KIF19: variants seen among roughly 807,000 people sequenced by gnomAD.
KIF19 encodes the protein kinesin-like protein KIF19.
KIF19 carries 98 observed loss-of-function variants against 106.6 expected under a neutral mutation model. That is an observed-to-expected ratio of 0.92 (90% CI 0.78 to 1.09). KIF19 has a LOEUF of 1.09. Among genes scored for constraint, KIF19 ranks in the 50% least tolerant of loss-of-function variants. The probability of loss-of-function intolerance (pLI) is 0.00; values close to 1 mark genes in which losing one functional copy is unlikely to be tolerated. For missense variants in KIF19, 1,373 were observed against 1,414.3 expected (o/e 0.97, Z 0.47); for synonymous variants, 516 against 584.2 (o/e 0.88, Z 1.68).
intron 12 of KIF19, chr17:74,351,328 CAA>C (rs66627748): frequency 8.8e-4 from 70 of 79,300 alleles, no homozygotes; most frequent in South Asian, 1.7e-3. Context: ...ACTAAAAATA[CAA>C]AAAAAAAAAA....
At chr17:74,333,937 C>T (rs764114712) in intron 2 of KIF19, among the ~76,000 whole-genome samples, 3 of 151,286 alleles carry the variant, frequency 2.0e-5, no homozygotes, top group Non-Finnish European at 1.5e-5. Context: ...GATCCTCCCA[C>T]CTCAGCCTCC....
At chr17:74,349,855 G>A (rs1324942002) in intron 10 of KIF19, among the ~76,000 whole-genome samples, 1 of 151,092 alleles carries the variant, frequency 6.6e-6, no homozygotes, top group Non-Finnish European at 1.5e-5. Context: ...CTGGAGTGCA[G>A]TGGCATGATC....
intron 7 of KIF19, among the ~76,000 whole-genome samples, chr17:74,345,204 TG>T (rs896103947): frequency 3.4e-5 from 5 of 148,742 alleles, no homozygotes; most frequent in African/African-American, 1.3e-4. Flanking sequence ...GGAGCAGGGT[TG>T]GGGGGAATGG....
chr17:74,346,289 C>A lies in KIF19; in HGVS notation c.778-89C>A. 1.4e-6 allele frequency: 2 copies of A among 1,410,056 alleles called. No homozygotes were observed. The highest frequency in any genetic ancestry group is 9.6e-7 in the Non-Finnish European group (1 of 1,037,840). 87.3% of individuals were successfully genotyped at this position (1,410,056 alleles called of 1,614,324 possible). ...TCCTTGGGGGTTTATTACCCAGGATCACCAGGTCATTCATTGGTGGGGTGG... is the reference window on the plus strand; with the variant it reads ...TCCTTGGGGGTTTATTACCCAGGATAACCAGGTCATTCATTGGTGGGGTGG... On this transcript the variant is annotated intron_variant, in intron 7 of 19. Transcript: ENST00000389916. This position sits in a 1 kb window ranked among gnomAD's most constrained non-coding sequence, Gnocchi z 4.6.
intron 2 of KIF19, among the ~76,000 whole-genome samples, chr17:74,340,555 G>GCGCACACGCACACACACACACACA: frequency 6.7e-6 from 1 of 148,210 alleles, no homozygotes; most frequent in African/African-American, 2.5e-5. Context: ...ATGCGCGCGC[G>GCGCACACGCACACACACACACACA]TACACACACA....
rs1298155728 is a variant in KIF19 at position 74,352,094 on chromosome 17, T to C, written c.1815T>C (p.Ser605=). 9 of 1,589,250 alleles carry C rather than the reference T, an allele frequency of 5.7e-6. No individual in the cohort carries two copies. The highest frequency in any genetic ancestry group is 2.3e-5 in the East Asian group (1 of 44,090). ...EAVRRLEQHR[S]LCDEIIQGQR... ...TGCGCCGCCTGGAGCAGCACCGCAG[T>C]CTCTGCGACGAGATTATCCAGGGCC... The change falls in exon 13 of 20, where the codon AGT becomes AGC. Residue 605 remains serine, a synonymous_variant. Transcript: ENST00000389916.
At chr17:74,341,340 A>AGACTGTAT (rs2054367896) in intron 2 of KIF19, among the ~76,000 whole-genome samples, 1 of 152,150 alleles carries the variant, frequency 6.6e-6, no homozygotes, top group South Asian at 2.1e-4. Flanking sequence ...TAAATAAAAG[A>AGACTGTAT]GACTGTATGT....
In KIF19 at chr17:74,350,837, G is replaced by C. The variant is rs748686424; in HGVS notation, c.1519G>C (p.Glu507Gln). ...CCAACCAGACATCCTGGAGCCACCC[G>C]AGGTGGCCGCAGCCCGGGAGAGCAT... ...DDQPDILEPP[E>Q]VAAARESIAA... The change falls in exon 12 of 20, where the codon GAG (glutamate) becomes CAG (glutamine). Residue 507 changes from glutamate (E) to glutamine (Q), a missense_variant. Glu to Gln is a conservative substitution (Grantham distance 29). This residue lies in a region of KIF19 where 1,020 missense variants were observed against 1,008.2 expected (regional missense o/e 1.01). Transcript: ENST00000389916. 1.9e-6 allele frequency: 3 copies of C among 1,613,904 alleles called. No individual in the cohort carries two copies. The highest frequency in any genetic ancestry group is 1.3e-5 in the African/African-American group (1 of 74,936).
At chr17:74,329,822 T>C (rs2054024970) in intron 2 of KIF19, among the ~76,000 whole-genome samples, 1 of 152,136 alleles carries the variant, frequency 6.6e-6, no homozygotes, top group Non-Finnish European at 1.5e-5. Flanking sequence ...GGTGGTAGGA[T>C]GTGCTAATGG....
At chr17:74,340,439 A>G (rs2054334576) in intron 2 of KIF19, among the ~76,000 whole-genome samples, 1 of 152,154 alleles carries the variant, frequency 6.6e-6, no homozygotes, top group Admixed American at 6.5e-5. Context: ...GGCAGAGTGG[A>G]GCAGGCCCTG....
intron 2 of KIF19, among the ~76,000 whole-genome samples, chr17:74,332,965 G>A (rs2054133914): frequency 2.0e-5 from 3 of 152,216 alleles, no homozygotes; most frequent in Admixed American, 2.0e-4. Context: ...CTGTCGAGAG[G>A]ATTAAAGGAG....
At position 74,332,449 on chromosome 17, in the gene KIF19, G is replaced by A. The variant is rs530901279; in HGVS notation, c.120+3944G>A. Among the ~76,000 whole-genome samples the A allele has an allele frequency of 1.7e-4, 26 of 152,080 alleles. 1 individual carries two copies. The highest frequency in any genetic ancestry group is 1.0e-3 in the Admixed American group (16 of 15,276). ...GGAAAAAGCTACAGATCAAACAGCC[G>A]TCTCCTCCAATCCCCCATCCCTCCC... On this transcript the variant is annotated intron_variant, in intron 2 of 19. Transcript: ENST00000389916.
At position 74,354,221 on chromosome 17, in the gene KIF19, T is replaced by C. The variant is rs765921554; in HGVS notation, c.2368T>C (p.Ser790Pro). The C allele has an allele frequency of 1.2e-5, 20 of 1,609,102 alleles. No homozygotes were observed. The highest frequency in any genetic ancestry group is 1.7e-5 in the Admixed American group (1 of 59,948). ...CTGGGTGAAGGCCGCCCGGCGGCGC[T>C]CGCGGGCCCTGGGAACCGAGGGGCG... The part of the protein sequence containing the change: ...CIWVKAARRR[S>P]RALGTEGRHL... The change falls in exon 18 of 20, where the codon TCG becomes CCG. Residue 790 changes from serine (S) to proline (P), a missense_variant. By Grantham distance (74) the Ser-to-Pro change is moderately conservative. Transcript: ENST00000389916.
At chr17:74,332,209 TTTGTGTGTGTGTG>T (rs1567897622) in intron 2 of KIF19, among the ~76,000 whole-genome samples, 11 of 50,404 alleles carry the variant, frequency 2.2e-4, no homozygotes, top group South Asian at 5.8e-4. Flanking sequence ...TGTGTGTGTG[TTTGTGTGTGTGTG>T]TGTGTGTGTG....
intron 2 of KIF19, among the ~76,000 whole-genome samples, chr17:74,330,621 G>C (rs1016546900): frequency 6.6e-6 from 1 of 152,222 alleles, no homozygotes; most frequent in Non-Finnish European, 1.5e-5. Flanking sequence ...ATATTAACTG[G>C]TGCTGATGGG....
intron 1 of KIF19, among the ~76,000 whole-genome samples, chr17:74,327,109 T>C (rs1328546414): frequency 6.6e-6 from 1 of 152,078 alleles, no homozygotes; most frequent in Non-Finnish European, 1.5e-5. Context: ...GGTGGGTGTC[T>C]CTCTCAGCAA....
intron 2 of KIF19, among the ~76,000 whole-genome samples, chr17:74,335,599 G>A (rs2054198736): frequency 6.6e-6 from 1 of 152,264 alleles, no homozygotes; most frequent in African/African-American, 2.4e-5. Flanking sequence ...CTAAGAGCAG[G>A]GCTGGGAGAG....
intron 7 of KIF19, among the ~76,000 whole-genome samples, chr17:74,345,413 C>A (rs1416122269): frequency 1.3e-5 from 2 of 152,082 alleles, no homozygotes; most frequent in African/African-American, 4.8e-5. Flanking sequence ...GGGAGAGGAC[C>A]CAGCCAGTCA....
rs976621698 is a variant in KIF19, at chr17:74,344,914, C to A, written c.736C>A (p.Leu246Met). Residue 246 changes from leucine to methionine, a missense_variant, in exon 7 of 20, where the codon CTG becomes ATG. Around this residue, in one of 3 missense-constraint regions of KIF19, gnomAD observed 348 missense variants for 389.5 expected, o/e 0.89. Transcript: ENST00000389916. ...CTTGCAGGAGGTGCGGCAGGGCCGCCTGTTCATGATCGACCTGGCTGGCTC... is the reference window on the plus strand; with the variant it reads ...CTTGCAGGAGGTGCGGCAGGGCCGCATGTTCATGATCGACCTGGCTGGCTC... ...NILQEVRQGR[L>M]FMIDLAGSER... The A allele has an allele frequency of 1.9e-6, 3 of 1,611,122 alleles. No individual in the cohort carries two copies. In the African/African-American group the frequency reaches 4.0e-5, roughly 21 times the overall value.
Sources: gnomAD v4.1 joint callset for allele counts (sites outside exome capture counted in the v4.1 genomes callset) on GRCh38, gnomAD v4.1.1 for gene constraint, gnomAD v4.1.1 regional missense constraint, Gnocchi (gnomAD v3.1) non-coding constraint, MANE v1.5 for transcripts, NCBI Gene and HGNC (gene_info 2026-07-23, HGNC 2026-07-21) for gene names.